CNTNAP2: variants seen among roughly 807,000 people sequenced by gnomAD.
CNTNAP2 encodes the protein contactin-associated protein-like 2.
CNTNAP2 carries 98 observed loss-of-function variants against 155.2 expected under a neutral mutation model. The observed-to-expected ratio is 0.63, with a 90% CI of 0.54 to 0.75. The LOEUF is 0.75. CNTNAP2 is among the 30% of genes least tolerant of loss of function. The pLI is 0.00. For missense variants in CNTNAP2, 1,727 were observed against 1,688.1 expected (o/e 1.02, Z -0.40); for synonymous variants, 651 against 631.2 (o/e 1.03, Z -0.47).
At chr7:147,604,630 C>T (rs1247589871) in intron 12 of CNTNAP2, among the ~76,000 whole-genome samples, 1 of 152,128 alleles carries the variant, frequency 6.6e-6, no homozygotes, top group Non-Finnish European at 1.5e-5. Flanking sequence ...ATTCATTTAC[C>T]TCTGTGGAAA....
chr7:146,395,546 A>G (rs913093192), intron 1 of CNTNAP2, among the ~76,000 whole-genome samples: 1 of 152,162 alleles, frequency 6.6e-6, no homozygotes, highest in Non-Finnish European at 1.5e-5. Context: ...AAATAGTTCC[A>G]GATCACAGTT....
In CNTNAP2 at chr7:147,869,307, G is replaced by A. The variant is rs113704253; in HGVS notation, c.2099-34258G>A. Reference sequence around the variant, plus strand: ...AAACAAGTCTATTAAAGTGCATATCGAAGGTATAAAGTAGGATGATAGTGT... The same window carrying A: ...AAACAAGTCTATTAAAGTGCATATCAAAGGTATAAAGTAGGATGATAGTGT... On this transcript the variant is annotated intron_variant, in intron 13 of 23. Transcript: ENST00000361727. Among the ~76,000 whole-genome samples the A allele has an allele frequency of 3.7e-4, 57 of 152,312 alleles. 1 individual carries two copies. The highest frequency in any genetic ancestry group is 1.0e-3 in the African/African-American group (43 of 41,560).
intron 3 of CNTNAP2, among the ~76,000 whole-genome samples, chr7:146,865,887 C>T (rs932018077): frequency 3.3e-5 from 5 of 152,100 alleles, no homozygotes; most frequent in African/African-American, 1.2e-4. Flanking sequence ...GCCTTGTATA[C>T]AGAAACACAA....
intron 3 of CNTNAP2, among the ~76,000 whole-genome samples, chr7:146,929,376 G>T (rs1796693618): frequency 6.6e-6 from 1 of 152,184 alleles, no homozygotes; most frequent in Admixed American, 6.5e-5. Context: ...GCAGCTGAGG[G>T]TCCTGTCTGT....
chr7:148,331,847 C>G lies in CNTNAP2; in HGVS notation c.3476-51802C>G, dbSNP rs192819954. Among the ~76,000 whole-genome samples, 159 of 136,544 alleles carry G rather than the reference C, an allele frequency of 1.2e-3. 2 individuals carry two copies. Among genetic ancestry groups the G allele is most frequent in the Non-Finnish European group, 2.1e-3 (127 of 61,242 alleles). 89.6% of individuals were successfully genotyped at this position (136,544 alleles called of 152,430 possible). On this transcript the variant is annotated intron_variant, in intron 21 of 23. Transcript: ENST00000361727. Reference sequence around the variant, plus strand: ...AACCCCCAGTAGCTACGAATTCCCCCAACAACTACTACACACTGCCCTGCA... The same window carrying G: ...AACCCCCAGTAGCTACGAATTCCCCGAACAACTACTACACACTGCCCTGCA...
intron 4 of CNTNAP2, among the ~76,000 whole-genome samples, chr7:147,055,416 A>C (rs569765524): frequency 6.6e-6 from 1 of 152,284 alleles, no homozygotes; most frequent in Non-Finnish European, 1.5e-5. Flanking sequence ...AAGCCTGAGG[A>C]ACTATGCAGT....
intron 13 of CNTNAP2, among the ~76,000 whole-genome samples, chr7:147,640,828 T>TG (rs1364013324): frequency 6.6e-6 from 1 of 152,092 alleles, no homozygotes; most frequent in South Asian, 2.1e-4. Context: ...GGTGGTAAAG[T>TG]GGCTGCTTAT....
intron 1 of CNTNAP2, among the ~76,000 whole-genome samples, chr7:146,674,569 T>C (rs977075885): frequency 6.6e-6 from 1 of 152,106 alleles, no homozygotes; most frequent in Non-Finnish European, 1.5e-5. Flanking sequence ...CTGTGAATTA[T>C]ACTGACAAAA....
intron 8 of CNTNAP2, among the ~76,000 whole-genome samples, chr7:147,285,327 C>T (rs1053719597): frequency 6.6e-6 from 1 of 151,764 alleles, no homozygotes; most frequent in Non-Finnish European, 1.5e-5. Flanking sequence ...ACCCAGTAAA[C>T]ACAGGTATAA....
At chr7:146,713,033 C>T (rs1801126086) in intron 1 of CNTNAP2, among the ~76,000 whole-genome samples, 1 of 152,054 alleles carries the variant, frequency 6.6e-6, no homozygotes, top group African/African-American at 2.4e-5. Flanking sequence ...TTAAGATTCA[C>T]TCCCCTCTCT....
intron 15 of CNTNAP2, among the ~76,000 whole-genome samples, chr7:148,101,779 C>G (rs184632024): frequency 9.9e-5 from 15 of 152,252 alleles, no homozygotes; most frequent in Admixed American, 3.3e-4. Context: ...GAGTATGCCA[C>G]CATCTACTCA....
intron 3 of CNTNAP2, among the ~76,000 whole-genome samples, chr7:146,927,589 A>C (rs745701111): frequency 6.6e-6 from 1 of 152,156 alleles, no homozygotes; most frequent in South Asian, 2.1e-4. Flanking sequence ...AAGATATACA[A>C]TATTACTCCT....
chr7:146,234,810 T>G (rs1320125885), intron 1 of CNTNAP2, among the ~76,000 whole-genome samples: 1 of 152,340 alleles, frequency 6.6e-6, no homozygotes, highest in Non-Finnish European at 1.5e-5. Flanking sequence ...TATTGGAAAC[T>G]TTACCAGGTA....
intron 10 of CNTNAP2, among the ~76,000 whole-genome samples, chr7:147,441,610 G>T (rs1443666736): frequency 6.6e-6 from 1 of 152,018 alleles, no homozygotes; most frequent in African/African-American, 2.4e-5. Flanking sequence ...TCTTGGGAAG[G>T]CTTTCCAGGT....
chr7:147,635,885 G>C (rs1795172514), intron 12 of CNTNAP2, among the ~76,000 whole-genome samples: 1 of 152,112 alleles, frequency 6.6e-6, no homozygotes, highest in Admixed American at 6.6e-5. Context: ...CAAGGCTCTT[G>C]ATAGAGATTT....
At chr7:147,853,159 C>T (rs936453775) in intron 13 of CNTNAP2, among the ~76,000 whole-genome samples, 1 of 152,226 alleles carries the variant, frequency 6.6e-6, no homozygotes. Context: ...AGTAGCACCA[C>T]CACTATCCAA....
chr7:147,524,885 T>C (rs1799290628), intron 11 of CNTNAP2, among the ~76,000 whole-genome samples: 1 of 152,178 alleles, frequency 6.6e-6, no homozygotes, highest in South Asian at 2.1e-4. Flanking sequence ...TACAATAATT[T>C]CTACTGGTTC....
intron 13 of CNTNAP2, among the ~76,000 whole-genome samples, chr7:147,680,116 A>G (rs1229026130): frequency 6.6e-6 from 1 of 151,874 alleles, no homozygotes; most frequent in Non-Finnish European, 1.5e-5. Flanking sequence ...CAATATGGAT[A>G]TTTTATTAGA....
In CNTNAP2 at chr7:146,792,519, A is replaced by AAG. The variant is rs1802692903; in HGVS notation, c.208+18140_208+18141dup. 2.0e-5 allele frequency among the ~76,000 whole-genome samples: 3 copies of AAG among 152,338 alleles called. No homozygotes were observed. The South Asian group carries it at 6.2e-4, about 32-fold the overall frequency. ...CAGGACCTGGAAAGGCCTAAATGAT[A>AAG]AGACTAAGTGTCAAAATCAGTGTTG... On this transcript the variant is annotated intron_variant, in intron 2 of 23. Transcript: ENST00000361727.
Sources: allele counts gnomAD v4.1 joint callset (sites outside exome capture counted in the v4.1 genomes callset), GRCh38; gene constraint gnomAD v4.1.1; transcripts MANE v1.5; gene names NCBI Gene and HGNC (gene_info 2026-07-23, HGNC 2026-07-21).